CYP7B1: variants seen among roughly 807,000 people sequenced by gnomAD.
CYP7B1 encodes cytochrome P450 7B1.
CYP7B1 carries 29 observed loss-of-function variants against 42.7 expected under a neutral mutation model. The observed-to-expected ratio is 0.68, with a 90% CI of 0.51 to 0.93. CYP7B1 has a LOEUF of 0.93. Ranked by LOEUF, CYP7B1 falls within the 40% of genes least tolerant of loss-of-function variation. The pLI is 0.00. For synonymous variants in CYP7B1, 235 were observed against 218.2 expected (o/e 1.08, Z -0.68); for missense variants, 655 against 600.5 (o/e 1.09, Z -0.95).
At chr8:64,760,308 T>C (rs1221109623) in intron 1 of CYP7B1, among the ~76,000 whole-genome samples, 1 of 152,112 alleles carries the variant, frequency 6.6e-6, no homozygotes, top group East Asian at 1.9e-4. Context: ...CAGCAATGAT[T>C]TTTTGGTTAT....
At chr8:64,743,618 G>A (rs923718421) in intron 1 of CYP7B1, among the ~76,000 whole-genome samples, 6 of 151,984 alleles carry the variant, frequency 3.9e-5, no homozygotes, top group African/African-American at 1.5e-4. Context: ...CCACAGGCAC[G>A]CATCCCTTGT....
At chr8:64,749,947 G>A (rs1314952916) in intron 1 of CYP7B1, among the ~76,000 whole-genome samples, 2 of 152,144 alleles carry the variant, frequency 1.3e-5, no homozygotes, top group Non-Finnish European at 2.9e-5. Flanking sequence ...TCTTTTTATT[G>A]TGTTTACCTG....
chr8:64,794,617 T>C (rs1248188837), intron 1 of CYP7B1, among the ~76,000 whole-genome samples: 1 of 152,112 alleles, frequency 6.6e-6, no homozygotes, highest in Non-Finnish European at 1.5e-5. Flanking sequence ...AGGACACTAA[T>C]CTCATCTATG....
intron 1 of CYP7B1, among the ~76,000 whole-genome samples, chr8:64,626,525 T>A (rs1348349445): frequency 6.6e-6 from 1 of 152,212 alleles, no homozygotes; most frequent in Non-Finnish European, 1.5e-5. Flanking sequence ...TTATTCAAGC[T>A]ACCAATGATT....
chr8:64,697,960 A>T (rs146877266), intron 1 of CYP7B1, among the ~76,000 whole-genome samples: 199 of 152,350 alleles, frequency 1.3e-3, no homozygotes, highest in Middle Eastern at 3.4e-3. Context: ...ATTTTCACAG[A>T]CTGGACTTAC....
At chr8:64,725,304 C>T (rs1231344411) in intron 1 of CYP7B1, among the ~76,000 whole-genome samples, 1 of 152,220 alleles carries the variant, frequency 6.6e-6, no homozygotes, top group Non-Finnish European at 1.5e-5. Context: ...AAGTATCAGC[C>T]ATGACCCTTA....
intron 1 of CYP7B1, among the ~76,000 whole-genome samples, chr8:64,693,861 G>A (rs1012884352): frequency 1.3e-5 from 2 of 152,200 alleles, no homozygotes; most frequent in African/African-American, 2.4e-5. Flanking sequence ...GGGAATTAGA[G>A]AGGTAACAGT....
At chr8:64,640,983 A>G (rs1421079300) in intron 1 of CYP7B1, among the ~76,000 whole-genome samples, 1 of 152,206 alleles carries the variant, frequency 6.6e-6, no homozygotes, top group Non-Finnish European at 1.5e-5. Context: ...CTTCAAATAA[A>G]AGACTCAGCT....
At chr8:64,686,343 C>T (rs1416431273) in intron 1 of CYP7B1, among the ~76,000 whole-genome samples, 25 of 34,926 alleles carry the variant, frequency 7.2e-4, no homozygotes, top group African/African-American at 2.5e-3. Context: ...TCTGCCCGGC[C>T]GCCCCTACTG....
chr8:64,684,822 T>C (rs972247894), intron 1 of CYP7B1, among the ~76,000 whole-genome samples: 11 of 152,192 alleles, frequency 7.2e-5, no homozygotes, highest in Non-Finnish European at 1.2e-4. Flanking sequence ...AATAGATACA[T>C]GAAAAGGCGC....
intron 1 of CYP7B1, among the ~76,000 whole-genome samples, chr8:64,780,488 T>A (rs983016656): frequency 3.9e-5 from 6 of 152,170 alleles, no homozygotes; most frequent in African/African-American, 1.4e-4. Flanking sequence ...TATTAAGCAA[T>A]TATAGACTTA....
chr8:64,742,037 T>G (rs1478658018), intron 1 of CYP7B1, among the ~76,000 whole-genome samples: 1 of 152,186 alleles, frequency 6.6e-6, no homozygotes, highest in African/African-American at 2.4e-5. Flanking sequence ...ACTGATTTAC[T>G]GATCAGATAG....
intron 1 of CYP7B1, among the ~76,000 whole-genome samples, chr8:64,768,504 T>A (rs938291364): frequency 6.6e-5 from 10 of 152,244 alleles, no homozygotes; most frequent in Admixed American, 5.9e-4. Context: ...GGCTGCTTTT[T>A]AAAGTCACAT....
chr8:64,669,857 G>A (rs1462453910), intron 1 of CYP7B1, among the ~76,000 whole-genome samples: 1 of 152,094 alleles, frequency 6.6e-6, no homozygotes, highest in Admixed American at 6.5e-5. Context: ...TAACAATTTT[G>A]CATAGAATTC....
At chr8:64,719,026 AAC>A (rs530318213) in intron 1 of CYP7B1, among the ~76,000 whole-genome samples, 1 of 152,174 alleles carries the variant, frequency 6.6e-6, no homozygotes, top group South Asian at 2.1e-4. Context: ...TTCAGCTCAT[AAC>A]ACACAGTTTT....
At chr8:64,674,401 G>A (rs1806412458) in intron 1 of CYP7B1, among the ~76,000 whole-genome samples, 1 of 152,120 alleles carries the variant, frequency 6.6e-6, no homozygotes, top group Non-Finnish European at 1.5e-5. Flanking sequence ...GTCTGTCAAT[G>A]CCACCATACC....
chr8:64,682,139 A>G (rs1806548100), intron 1 of CYP7B1, among the ~76,000 whole-genome samples: 1 of 152,236 alleles, frequency 6.6e-6, no homozygotes, highest in African/African-American at 2.4e-5. Flanking sequence ...TAGGCCAGAC[A>G]GATGGGATGG....
intron 4 of CYP7B1, among the ~76,000 whole-genome samples, chr8:64,606,836 G>A (rs911058864): frequency 3.3e-5 from 5 of 152,212 alleles, no homozygotes; most frequent in Non-Finnish European, 7.3e-5. Flanking sequence ...ATGGAGAGTA[G>A]AGCTTACGTG....
At chr8:64,606,101 C>T (rs1805274721) in intron 4 of CYP7B1, among the ~76,000 whole-genome samples, 1 of 152,210 alleles carries the variant, frequency 6.6e-6, no homozygotes. Context: ...AATGAGGCTG[C>T]GGTCAGCTTT....
Sources: allele counts gnomAD v4.1 joint callset (sites outside exome capture counted in the v4.1 genomes callset), GRCh38; gene constraint gnomAD v4.1.1; transcripts MANE v1.5; gene names NCBI Gene and HGNC (gene_info 2026-07-23, HGNC 2026-07-21).